The following FMNL2 variants were observed in gnomAD, a reference collection of about 807,000 sequenced individuals.
FMNL2 encodes the protein formin like 2.
A neutral mutation model predicts 130.2 loss-of-function variants in FMNL2; 51 were observed. That is an observed-to-expected ratio of 0.39 (90% confidence interval 0.31 to 0.49). FMNL2 has a LOEUF of 0.49. FMNL2 is among the 20% of genes least tolerant of loss of function. The probability of loss-of-function intolerance (pLI) is 0.85; values close to 1 mark genes in which losing one functional copy is unlikely to be tolerated. For missense variants in FMNL2, 977 were observed against 1,316.2 expected, an observed-to-expected ratio of 0.74 and a Z score of 3.99; for synonymous variants, 465 against 467.1, an observed-to-expected ratio of 1.00 and a Z score of 0.06.
rs761973114 is a variant in FMNL2, at chr2:152,640,876, A to G, written c.3131A>G (p.Tyr1044Cys). The change falls in exon 25 of 26, where the codon TAT becomes TGT. Residue 1044 changes from tyrosine to cysteine, a missense_variant. Tyr to Cys is a radical substitution (Grantham distance 194, BLOSUM62 -2). Transcript: ENST00000288670. ...RRQVKDNRHVYEGKDGAIEDI... is the reference protein window; with the variant it reads ...RRQVKDNRHVCEGKDGAIEDI... Reference sequence around the variant, plus strand: ...CAAGTTAAAGATAACAGACATGTATATGAGGGAAAAGATGGTGCCATTGAA... The same window carrying G: ...CAAGTTAAAGATAACAGACATGTATGTGAGGGAAAAGATGGTGCCATTGAA... 4 of 1,613,812 alleles carry G rather than the reference A, an allele frequency of 2.5e-6. No individual in the cohort carries two copies. Among genetic ancestry groups the G allele is most frequent in the South Asian group, 2.2e-5 (2 of 91,094 alleles).
At chr2:152,485,588 T>TTG (rs371702157) in intron 1 of FMNL2, among the ~76,000 whole-genome samples, 74 of 152,116 alleles carry the variant, frequency 4.9e-4, no homozygotes, top group South Asian at 2.9e-3. Context: ...CTAACTGGTT[T>TTG]TGTGTGTGTG....
At chr2:152,355,154 A>G (rs1682712088) in intron 1 of FMNL2, among the ~76,000 whole-genome samples, 1 of 152,214 alleles carries the variant, frequency 6.6e-6, no homozygotes, top group Non-Finnish European at 1.5e-5. Flanking sequence ...TCACACATCA[A>G]TCACAATGCT....
intron 1 of FMNL2, among the ~76,000 whole-genome samples, chr2:152,471,776 T>C (rs567037222): frequency 6.6e-6 from 1 of 152,216 alleles, no homozygotes; most frequent in Non-Finnish European, 1.5e-5. Flanking sequence ...TGTTTGCTAA[T>C]AACACTGCCA....
At chr2:152,506,270 A>G (rs994443003) in intron 1 of FMNL2, among the ~76,000 whole-genome samples, 2 of 152,186 alleles carry the variant, frequency 1.3e-5, no homozygotes, top group African/African-American at 4.8e-5. Flanking sequence ...CTTTTATTTT[A>G]GAATATGGTC....
At chr2:152,440,434 C>T (rs1687994084) in intron 1 of FMNL2, among the ~76,000 whole-genome samples, 1 of 152,244 alleles carries the variant, frequency 6.6e-6, no homozygotes, top group Non-Finnish European at 1.5e-5. Context: ...ACTTCTGCTT[C>T]TTGACAAATG....
intron 6 of FMNL2, among the ~76,000 whole-genome samples, chr2:152,564,735 G>GA (rs201448699): frequency 0.022 from 1,812 of 82,814 alleles, 25 homozygotes; most frequent in Middle Eastern, 0.039. Context: ...TCAATCTCAA[G>GA]AAAAAAAAAG....
chr2:152,646,157 C>CAAAAA lies in FMNL2; in HGVS notation c.3170-1630_3170-1626dup, dbSNP rs3080636. On this transcript the variant is annotated intron_variant, in intron 25 of 25. Transcript: ENST00000288670. ...CAATGAAGCAAAATCCCCATCTCTA[C>CAAAAA]AAAAAAAAAAAAACAAACAAACAAA... Among the ~76,000 whole-genome samples the CAAAAA allele has an allele frequency of 1.7e-5, 2 of 116,884 alleles. 1 individual carries two copies. Among genetic ancestry groups the CAAAAA allele is most frequent in the African/African-American group, 6.0e-5 (2 of 33,548 alleles). The allele number at this position is 116,884 out of a possible 152,430, so 76.7% of individuals were successfully genotyped here. A position where few individuals can be genotyped will look rare whatever the true frequency, so the allele number is the denominator to read the frequency against.
intron 1 of FMNL2, among the ~76,000 whole-genome samples, chr2:152,403,254 A>C (rs1159701320): frequency 6.6e-6 from 1 of 151,892 alleles, no homozygotes; most frequent in Non-Finnish European, 1.5e-5. Context: ...AACTGTAAAA[A>C]CAACAAGCAA....
chr2:152,410,639 C>T (rs1686229119), intron 1 of FMNL2, among the ~76,000 whole-genome samples: 1 of 152,194 alleles, frequency 6.6e-6, no homozygotes, highest in African/African-American at 2.4e-5. Flanking sequence ...TCAAGGGGCT[C>T]ACGCCTGGTG....
At chr2:152,393,709 T>C (rs1685238854) in intron 1 of FMNL2, among the ~76,000 whole-genome samples, 1 of 152,232 alleles carries the variant, frequency 6.6e-6, no homozygotes, top group South Asian at 2.1e-4. Flanking sequence ...ATTTATTGGG[T>C]CTTACTGTTT....
At chr2:152,491,771 T>C (rs1691210952) in intron 1 of FMNL2, among the ~76,000 whole-genome samples, 1 of 152,086 alleles carries the variant, frequency 6.6e-6, no homozygotes, top group South Asian at 2.1e-4. Context: ...GCCAACATGG[T>C]GAAACCTCAT....
intron 1 of FMNL2, among the ~76,000 whole-genome samples, chr2:152,441,212 A>G (rs977174378): frequency 2.6e-5 from 4 of 152,246 alleles, no homozygotes; most frequent in African/African-American, 9.6e-5. Context: ...TTAAACAGCT[A>G]CACATCTTTA....
chr2:152,393,282 T>G (rs1385902051), intron 1 of FMNL2, among the ~76,000 whole-genome samples: 1 of 152,196 alleles, frequency 6.6e-6, no homozygotes, highest in Non-Finnish European at 1.5e-5. Context: ...TCAGATACAT[T>G]AATACTTAGA....
chr2:152,348,231 C>T (rs1275638426), intron 1 of FMNL2, among the ~76,000 whole-genome samples: 1 of 152,214 alleles, frequency 6.6e-6, no homozygotes, highest in African/African-American at 2.4e-5. Context: ...TGTATAACTT[C>T]TGATTGTAAA....
At chr2:152,379,763 A>G (rs986034460) in intron 1 of FMNL2, among the ~76,000 whole-genome samples, 2 of 152,216 alleles carry the variant, frequency 1.3e-5, no homozygotes, top group Admixed American at 1.3e-4. Flanking sequence ...AAGAAAACTT[A>G]TTAGAAACTG....
At chr2:152,372,972 G>A (rs992432009) in intron 1 of FMNL2, among the ~76,000 whole-genome samples, 16 of 152,194 alleles carry the variant, frequency 1.1e-4, no homozygotes, top group African/African-American at 3.4e-4. Context: ...GGTTAGGTGG[G>A]GCATATAAGG....
At chr2:152,511,426 G>C (rs1692491372) in intron 1 of FMNL2, among the ~76,000 whole-genome samples, 1 of 152,238 alleles carries the variant, frequency 6.6e-6, no homozygotes. Flanking sequence ...ATGACAGCAA[G>C]TCTACCTTTG....
intron 1 of FMNL2, among the ~76,000 whole-genome samples, chr2:152,345,039 CATTTGTG>C (rs759166446): frequency 2.1e-4 from 32 of 152,124 alleles, no homozygotes; most frequent in Non-Finnish European, 3.8e-4. Context: ...TAATTTTTAG[CATTTGTG>C]GTTTGGGGTT....
intron 1 of FMNL2, among the ~76,000 whole-genome samples, chr2:152,412,446 TTATATATATATATATATATA>T (rs56681937): frequency 0.04 from 4,068 of 102,960 alleles, 111 homozygotes; most frequent in Middle Eastern, 0.065. Flanking sequence ...TCTGTATATT[TTATATATATATATATATATA>T]TATATATATA....
Sources: gnomAD v4.1 joint callset for allele counts (sites outside exome capture counted in the v4.1 genomes callset) on GRCh38, gnomAD v4.1.1 for gene constraint, MANE v1.5 for transcripts, NCBI Gene and HGNC (gene_info 2026-07-23, HGNC 2026-07-21) for gene names.